The following GABPB2 variants were observed in gnomAD, a reference collection of about 807,000 sequenced individuals.
GABPB2 encodes the protein GA-binding protein subunit beta-2.
GABPB2 carries 23 observed loss-of-function variants against 39.1 expected under a neutral mutation model. The observed-to-expected ratio is 0.59, with a 90% CI of 0.42 to 0.83. The LOEUF (loss-of-function observed/expected upper bound fraction) is 0.83. GABPB2 is among the 40% of genes least tolerant of loss of function. The pLI is 0.00. For missense variants in GABPB2, 467 were observed against 541.1 expected, an observed-to-expected ratio of 0.86 and a Z score of 1.36; for synonymous variants, 184 against 199.3, an observed-to-expected ratio of 0.92 and a Z score of 0.65.
At chr1:151,075,185 C>T (rs1166067243) in intron 1 of GABPB2, among the ~76,000 whole-genome samples, 4 of 151,792 alleles carry the variant, frequency 2.6e-5, no homozygotes, top group Non-Finnish European at 5.9e-5. Flanking sequence ...GCCTGTAATC[C>T]CAGCTCTTTG....
chr1:151,097,099 A>G (rs939828977), intron 4 of GABPB2, among the ~76,000 whole-genome samples: 2 of 151,918 alleles, frequency 1.3e-5, no homozygotes, highest in African/African-American at 4.8e-5. Flanking sequence ...TTTAGTAGAG[A>G]CAGGGTTTCA....
intron 1 of GABPB2, among the ~76,000 whole-genome samples, chr1:151,081,521 C>T (rs1001315917): frequency 4.0e-5 from 6 of 151,818 alleles, no homozygotes; most frequent in African/African-American, 1.5e-4. Context: ...AGAAACAAAC[C>T]GTATATATAT....
chr1:151,080,060 C>G (rs1435253996), intron 1 of GABPB2, among the ~76,000 whole-genome samples: 1 of 151,018 alleles, frequency 6.6e-6, no homozygotes, highest in African/African-American at 2.4e-5. Flanking sequence ...ACTAAAAATA[C>G]AAAAATTAGC....
intron 1 of GABPB2, among the ~76,000 whole-genome samples, chr1:151,074,016 G>A (rs1173052521): frequency 1.5e-5 from 2 of 132,450 alleles, no homozygotes; most frequent in South Asian, 2.4e-4. Context: ...TTGCTCTGTC[G>A]CCCAGGCTGG....
chr1:151,113,264 C>T (rs1680604971), intron 7 of GABPB2, among the ~76,000 whole-genome samples: 1 of 151,602 alleles, frequency 6.6e-6, no homozygotes, highest in South Asian at 2.1e-4. Flanking sequence ...GTCAGGAGAT[C>T]GAGACCATCC....
At chr1:151,073,983 T>TC (rs1676941044) in intron 1 of GABPB2, among the ~76,000 whole-genome samples, 1 of 148,834 alleles carries the variant, frequency 6.7e-6, no homozygotes, top group African/African-American at 2.5e-5. Flanking sequence ...TTATTTCTTT[T>TC]TTTTTTTTTT....
chr1:151,075,208 G>A (rs935473513), intron 1 of GABPB2, among the ~76,000 whole-genome samples: 4 of 151,860 alleles, frequency 2.6e-5, no homozygotes, highest in African/African-American at 7.3e-5. Flanking sequence ...AGGCTGAGGC[G>A]GGCAGAGGTC....
Position 151,097,877 on chromosome 1 carries a change from T to C in GABPB2, c.497T>C (p.Val166Ala). ...LQEAMQNQVN[V>A]NPERANPVTD... is the part of the protein sequence containing the mutation. ...GAAGCAATGCAGAATCAGGTGAATG[T>C]TAATCCAGAGAGAGCCAACCCTGTG... The change falls in exon 5 of 9, where the codon GTT becomes GCT. Residue 166 changes from valine to alanine, a missense_variant. Physicochemically the swap from Val to Ala is moderately conservative, Grantham distance 64. Coordinates refer to ENST00000368918, the MANE Select transcript of GABPB2 (RefSeq NM_144618.3). 6.2e-7 allele frequency: 1 copy of C among 1,614,122 alleles called. No individual in the cohort carries two copies. Among genetic ancestry groups the C allele is most frequent in the African/African-American group, 1.3e-5 (1 of 75,036 alleles).
intron 6 of GABPB2, among the ~76,000 whole-genome samples, chr1:151,104,811 T>TTTCTTTCTTTCC (rs1177567681): frequency 2.0e-4 from 30 of 150,438 alleles, no homozygotes; most frequent in Middle Eastern, 3.5e-3. Context: ...CTTTTCTTTC[T>TTTCTTTCTTTCC]TTCCTTTCTT....
At chr1:151,094,587 G>A (rs886116120) in intron 4 of GABPB2, among the ~76,000 whole-genome samples, 26 of 151,090 alleles carry the variant, frequency 1.7e-4, no homozygotes, top group African/African-American at 6.3e-4. Context: ...GACCTCAGGT[G>A]ATCCGCCTGC....
At chr1:151,076,957 C>G (rs1428506348) in intron 1 of GABPB2, among the ~76,000 whole-genome samples, 1 of 151,784 alleles carries the variant, frequency 6.6e-6, no homozygotes, top group East Asian at 1.9e-4. Context: ...CCACACCCGG[C>G]TAATTTTTTG....
At chr1:151,076,142 A>C (rs2102993289) in intron 1 of GABPB2, among the ~76,000 whole-genome samples, 1 of 152,348 alleles carries the variant, frequency 6.6e-6, no homozygotes, top group South Asian at 2.1e-4. Context: ...AGAGTACAAC[A>C]GCAATATACT....
Position 151,093,181 on chromosome 1 carries a change from T to C in GABPB2, c.277-11T>C, listed in dbSNP as rs1195510633. 1.3e-6 allele frequency: 2 copies of C among 1,537,130 alleles called. No homozygotes were observed. The highest frequency in any genetic ancestry group is 1.8e-6 in the Non-Finnish European group (2 of 1,140,706). On this transcript the variant is annotated splice_polypyrimidine_tract_variant and intron_variant, in intron 3 of 8. Coordinates refer to ENST00000368918, the MANE Select transcript of GABPB2 (RefSeq NM_144618.3). ...CCGCTGTTTGTTGAAAAAAATGCTTTTCTGTGACAGAATGGTGCAGATGTG... is the reference window on the plus strand; with the variant it reads ...CCGCTGTTTGTTGAAAAAAATGCTTCTCTGTGACAGAATGGTGCAGATGTG...
At chr1:151,117,363 AC>A in intron 7 of GABPB2, 28 bp from the exon 8 acceptor site, 1 of 1,601,504 alleles carries the variant, frequency 6.2e-7, no homozygotes, top group Non-Finnish European at 8.5e-7. Flanking sequence ...TGCATTCATC[AC>A]CTCCAATTGG....
rs1037188023 is a variant in GABPB2, at chr1:151,123,937, T to C, written c.*5681T>C. ...GGCTCACGCCTGTAATCCCAGCACT[T>C]TGGGAGGCCGAGATGGGAGGATCAC... On this transcript the variant is annotated 3_prime_UTR_variant, in exon 9 of 9. Transcript: ENST00000368918. The C allele has an allele frequency of 6.6e-6, 1 of 151,156 alleles. No individual in the cohort carries two copies. Among genetic ancestry groups the C allele is most frequent in the African/African-American group, 2.4e-5 (1 of 41,100 alleles). 9.4% of individuals were successfully genotyped at this position (151,156 alleles called of 1,614,324 possible). A position where few individuals can be genotyped will look rare whatever the true frequency, so the allele number is the denominator to read the frequency against.
chr1:151,086,918 G>C lies in GABPB2; in HGVS notation c.1-1272G>C, dbSNP rs1039185990. On this transcript the variant is annotated intron_variant, in intron 1 of 8. Coordinates refer to ENST00000368918, the MANE Select transcript of GABPB2 (RefSeq NM_144618.3). ...CGCCCAGACTGGAGTGCAGTGGTGC[G>C]ATCTCAGCTCATTGCAACATCCACC... Among the ~76,000 whole-genome samples, 14 of 151,980 alleles carry C rather than the reference G, an allele frequency of 9.2e-5. 1 individual carries two copies. Among genetic ancestry groups the C allele is most frequent in the Admixed American group, 9.2e-4 (14 of 15,228 alleles).
At chr1:151,096,153 G>A (rs1403908731) in intron 4 of GABPB2, among the ~76,000 whole-genome samples, 3 of 152,066 alleles carry the variant, frequency 2.0e-5, no homozygotes, top group Admixed American at 1.3e-4. Flanking sequence ...GCTGGGCGTG[G>A]TGGCTCATGC....
intron 1 of GABPB2, among the ~76,000 whole-genome samples, chr1:151,082,129 T>A (rs1677766904): frequency 6.8e-6 from 1 of 147,564 alleles, no homozygotes; most frequent in South Asian, 2.1e-4. Context: ...CAGACTGGAG[T>A]GCAGTGGTGC....
At chr1:151,103,801 G>C (rs940773603) in intron 6 of GABPB2, 126 bp downstream of exon 6, 3 of 637,148 alleles carry the variant, frequency 4.7e-6, no homozygotes, top group African/African-American at 3.7e-5. Context: ...TAAGGAAAAG[G>C]GATGTGGCAT....
Sources: gnomAD v4.1 joint callset for allele counts (sites outside exome capture counted in the v4.1 genomes callset) on GRCh38, gnomAD v4.1.1 for gene constraint, MANE v1.5 for transcripts, NCBI Gene and HGNC (gene_info 2026-07-23, HGNC 2026-07-21) for gene names.